Variants in TBC1D5 observed in about 807,000 individuals in gnomAD.
TBC1D5 encodes TBC1 domain family member 5.
In TBC1D5, 75 loss-of-function variants were observed where a neutral mutation model predicts 100.3. That is an observed-to-expected ratio of 0.75 (90% CI 0.62 to 0.91). The LOEUF (loss-of-function observed/expected upper bound fraction) is 0.91, where lower values mean the gene tolerates loss of function less well. Among genes scored for constraint, TBC1D5 ranks in the 40% least tolerant of loss-of-function variants. The probability of loss-of-function intolerance (pLI) is 0.00; values close to 1 mark genes in which losing one functional copy is unlikely to be tolerated. For synonymous variants in TBC1D5, 323 were observed against 325.6 expected (o/e 0.99, Z 0.09); for missense variants, 910 against 942.4 (o/e 0.97, Z 0.45).
chr3:17,664,721 A>G (rs1458321292), intron 1 of TBC1D5, among the ~76,000 whole-genome samples: 1 of 152,208 alleles, frequency 6.6e-6, no homozygotes, highest in Non-Finnish European at 1.5e-5. Context: ...ACAATTCAAG[A>G]AACAAGGCTA....
At chr3:17,398,217 T>A (rs2093558473) in intron 8 of TBC1D5, among the ~76,000 whole-genome samples, 1 of 152,140 alleles carries the variant, frequency 6.6e-6, no homozygotes, top group Non-Finnish European at 1.5e-5. Context: ...TACCTTTTGA[T>A]TATCAGTTTT....
At chr3:17,656,147 A>C (rs747363694) in intron 1 of TBC1D5, among the ~76,000 whole-genome samples, 3 of 152,208 alleles carry the variant, frequency 2.0e-5, no homozygotes, top group Non-Finnish European at 4.4e-5. Context: ...ACTAGCGATC[A>C]CAATCACTCT....
intron 16 of TBC1D5, among the ~76,000 whole-genome samples, chr3:17,239,553 C>T (rs961590426): frequency 6.6e-6 from 1 of 152,190 alleles, no homozygotes; most frequent in Non-Finnish European, 1.5e-5. Flanking sequence ...CAAGCTCCAG[C>T]TGTGGCCTAT....
At chr3:17,378,767 C>CTTT (rs202093055) in intron 9 of TBC1D5, among the ~76,000 whole-genome samples, 1 of 138,944 alleles carries the variant, frequency 7.2e-6, no homozygotes, top group Non-Finnish European at 1.6e-5. Context: ...ATACAGTTTC[C>CTTT]TTTTTTTTTT....
chr3:17,494,698 G>A (rs964926892), intron 3 of TBC1D5, among the ~76,000 whole-genome samples: 18 of 152,200 alleles, frequency 1.2e-4, no homozygotes, highest in African/African-American at 4.3e-4. Context: ...GCTGGGCTGT[G>A]AGGAATTCCT....
intron 3 of TBC1D5, among the ~76,000 whole-genome samples, chr3:17,446,612 A>C (rs985267967): frequency 4.5e-4 from 69 of 152,226 alleles, no homozygotes; most frequent in African/African-American, 1.6e-3. Flanking sequence ...AAACACTTGA[A>C]AGTATTAAGG....
intron 3 of TBC1D5, among the ~76,000 whole-genome samples, chr3:17,485,962 T>A (rs968100550): frequency 1.6e-4 from 25 of 152,198 alleles, no homozygotes; most frequent in Non-Finnish European, 2.6e-4. Context: ...CCACCAACAG[T>A]GTAAAAGTGT....
intron 2 of TBC1D5, among the ~76,000 whole-genome samples, chr3:17,563,555 A>C (rs1229023039): frequency 6.6e-6 from 1 of 152,250 alleles, no homozygotes; most frequent in East Asian, 1.9e-4. Flanking sequence ...ATCAAAGTAC[A>C]TTCTGTATAA....
chr3:17,590,493 T>C (rs1482185307), intron 2 of TBC1D5, among the ~76,000 whole-genome samples: 3 of 152,180 alleles, frequency 2.0e-5, no homozygotes, highest in Non-Finnish European at 4.4e-5. Flanking sequence ...GATGGTGGAA[T>C]GGATTAGTCA....
At chr3:17,162,674 C>A (rs1199149839) in intron 21 of TBC1D5, among the ~76,000 whole-genome samples, 1 of 152,192 alleles carries the variant, frequency 6.6e-6, no homozygotes, top group Non-Finnish European at 1.5e-5. Context: ...GATGTGATCA[C>A]AAATGGCACC....
Position 17,451,427 on chromosome 3 carries a change from T to C in TBC1D5, c.98-22908A>G, listed in dbSNP as rs182833636. Among the ~76,000 whole-genome samples the C allele has an allele frequency of 1.1e-4, 16 of 151,834 alleles. No individual in the cohort carries two copies. In the East Asian group the frequency reaches 3.1e-3, roughly 29 times the overall value. On this transcript the variant is annotated intron_variant, in intron 3 of 21. Transcript: ENST00000253692. ...TCATCATCACTGGTCATTAGAAAAA[T>C]GCAAATCAAAACCACAACGAGATAC...
At chr3:17,532,584 C>G (rs1012366938) in intron 2 of TBC1D5, among the ~76,000 whole-genome samples, 1 of 152,116 alleles carries the variant, frequency 6.6e-6, no homozygotes, top group African/African-American at 2.4e-5. Flanking sequence ...TTGGAACCAA[C>G]CCAAATGTCC....
intron 17 of TBC1D5, among the ~76,000 whole-genome samples, chr3:17,225,034 A>C (rs2148740354): frequency 6.6e-6 from 1 of 152,308 alleles, no homozygotes; most frequent in Non-Finnish European, 1.5e-5. Context: ...GACCCTTAAG[A>C]AAATGGAGTC....
At chr3:17,255,892 C>T (rs1020450973) in intron 16 of TBC1D5, among the ~76,000 whole-genome samples, 9 of 152,054 alleles carry the variant, frequency 5.9e-5, no homozygotes, top group African/African-American at 1.9e-4. Flanking sequence ...AAAAATTAGC[C>T]AGGCGTGGCA....
chr3:17,447,068 G>A (rs991497867), intron 3 of TBC1D5, among the ~76,000 whole-genome samples: 10 of 152,050 alleles, frequency 6.6e-5, no homozygotes, highest in African/African-American at 2.4e-4. Flanking sequence ...GAAGGAGGAA[G>A]TCAAGAATTT....
intron 2 of TBC1D5, among the ~76,000 whole-genome samples, chr3:17,578,241 G>A (rs2096669882): frequency 6.6e-6 from 1 of 151,998 alleles, no homozygotes; most frequent in Non-Finnish European, 1.5e-5. Flanking sequence ...CTAAGATCAT[G>A]GGGATTAATT....
At chr3:17,227,736 CTA>C (rs1261427008) in intron 17 of TBC1D5, among the ~76,000 whole-genome samples, 2 of 151,798 alleles carry the variant, frequency 1.3e-5, no homozygotes, top group Non-Finnish European at 2.9e-5. Context: ...TAAAAAAAAA[CTA>C]TTAGGTACTA....
At chr3:17,339,321 G>A (rs1449932768) in intron 13 of TBC1D5, among the ~76,000 whole-genome samples, 1 of 152,180 alleles carries the variant, frequency 6.6e-6, no homozygotes, top group Admixed American at 6.5e-5. Context: ...CAGTGCATCC[G>A]TGACAAGTTG....
At chr3:17,355,295 T>C (rs371293279) in intron 13 of TBC1D5, among the ~76,000 whole-genome samples, 4 of 152,160 alleles carry the variant, frequency 2.6e-5, no homozygotes, top group African/African-American at 7.2e-5. Flanking sequence ...TTGTTCTATT[T>C]ATGGCACTCT....
Sources: gnomAD v4.1 joint callset for allele counts (sites outside exome capture counted in the v4.1 genomes callset) on GRCh38, gnomAD v4.1.1 for gene constraint, MANE v1.5 for transcripts, NCBI Gene and HGNC (gene_info 2026-07-23, HGNC 2026-07-21) for gene names.